MGA: variants seen among roughly 807,000 people sequenced by gnomAD.
MGA encodes the protein MAX dimerization protein MGA, also known as MAX gene-associated protein.
MGA carries 40 observed loss-of-function variants against 261.1 expected under a neutral mutation model. The observed-to-expected ratio is 0.15, with a 90% CI of 0.12 to 0.20. The LOEUF (loss-of-function observed/expected upper bound fraction) is 0.20. MGA is among the 10% of genes least tolerant of loss of function. The probability of loss-of-function intolerance (pLI) is 1.00; values close to 1 mark genes in which losing one functional copy is unlikely to be tolerated. For missense variants in MGA, 3,397 were observed against 3,630.5 expected, an observed-to-expected ratio of 0.94 and a Z score of 1.65; for synonymous variants, 1,302 against 1,290.6, an observed-to-expected ratio of 1.01 and a Z score of -0.19.
rs79793880 is a variant in MGA at position 41,749,178 on chromosome 15, G to T, written c.5571G>T (p.Ser1857=). Residue 1857 remains serine, a synonymous_variant, in exon 17 of 24, where the codon TCG becomes TCT. Coordinates refer to ENST00000219905, the MANE Select transcript of MGA (RefSeq NM_001164273.2). ...CTGAGACTCCGCCATCTTCCACTTC[G>T]TCCTCTGCTTTCTCTGTCATGAATC... is the stretch of plus-strand genomic sequence containing the variant. The T allele has an allele frequency of 1.8e-4, 283 of 1,613,880 alleles. No individual in the cohort carries two copies. In the East Asian group the frequency reaches 6.2e-3, roughly 35 times the overall value.
At chr15:41,708,789 C>T (rs1274115030) in intron 7 of MGA, among the ~76,000 whole-genome samples, 1 of 152,184 alleles carries the variant, frequency 6.6e-6, no homozygotes, top group African/African-American at 2.4e-5. Flanking sequence ...CATTCTCAAG[C>T]ATTAGTTTAG....
At chr15:41,700,477 CG>C (rs2059791773) in intron 5 of MGA, among the ~76,000 whole-genome samples, 1 of 152,124 alleles carries the variant, frequency 6.6e-6, no homozygotes, top group South Asian at 2.1e-4. Flanking sequence ...CTCCCACTTA[CG>C]AGTGAAAACA....
At chr15:41,652,232 G>A (rs946930625) in intron 1 of MGA, among the ~76,000 whole-genome samples, 3 of 149,670 alleles carry the variant, frequency 2.0e-5, no homozygotes, top group East Asian at 2.0e-4. Flanking sequence ...CTCAGCCTCC[G>A]AAAGTGCTGG....
chr15:41,738,209 A>G (rs1484298280), intron 13 of MGA, among the ~76,000 whole-genome samples: 1 of 150,972 alleles, frequency 6.6e-6, no homozygotes, highest in Non-Finnish European at 1.5e-5. Context: ...GACCAGCCTG[A>G]CCAACATGGT....
At chr15:41,689,219 G>A (rs1001140479) in intron 2 of MGA, among the ~76,000 whole-genome samples, 2 of 151,632 alleles carry the variant, frequency 1.3e-5, no homozygotes, top group African/African-American at 2.4e-5. Context: ...TACTTTATTT[G>A]CTTTAAACAG....
At chr15:41,695,274 C>T (rs141968530) in intron 2 of MGA, among the ~76,000 whole-genome samples, 1,993 of 152,118 alleles carry the variant, frequency 0.013, 51 homozygotes, top group African/African-American at 0.046. Flanking sequence ...CTGCAACCTC[C>T]GCCTCCCGGG....
At chr15:41,682,593 G>A (rs2058739681) in intron 2 of MGA, among the ~76,000 whole-genome samples, 2 of 152,106 alleles carry the variant, frequency 1.3e-5, no homozygotes, top group South Asian at 4.1e-4. Flanking sequence ...GGATTCTCCT[G>A]CCTCAGCCTC....
intron 1 of MGA, among the ~76,000 whole-genome samples, chr15:41,648,915 A>G (rs1275519315): frequency 6.6e-6 from 1 of 152,124 alleles, no homozygotes; most frequent in Non-Finnish European, 1.5e-5. Flanking sequence ...GAGTGCCTGG[A>G]GAGAGAGAAA....
At chr15:41,757,749 A>T in intron 18 of MGA, 39 bp from the exon 19 acceptor site, 1 of 1,540,212 alleles carries the variant, frequency 6.5e-7, no homozygotes. Context: ...TAGATTATTA[A>T]ATTTCAGTAA....
At chr15:41,748,005 C>T (rs1388386604) in intron 15 of MGA, among the ~76,000 whole-genome samples, 1 of 152,028 alleles carries the variant, frequency 6.6e-6, no homozygotes, top group Non-Finnish European at 1.5e-5. Flanking sequence ...GGCTGCAGTC[C>T]CAGCACTTTG....
intron 2 of MGA, among the ~76,000 whole-genome samples, chr15:41,671,656 C>A (rs1052374671): frequency 6.6e-6 from 1 of 152,132 alleles, no homozygotes; most frequent in African/African-American, 2.4e-5. Flanking sequence ...GAGTTTTAAA[C>A]CCAAGTTCAG....
intron 11 of MGA, among the ~76,000 whole-genome samples, chr15:41,732,446 C>T (rs931498456): frequency 6.6e-6 from 1 of 152,210 alleles, no homozygotes; most frequent in Non-Finnish European, 1.5e-5. Flanking sequence ...CCGTGCCCGG[C>T]CTGTTATCCT....
chr15:41,711,416 A>C lies in MGA; in HGVS notation c.3084+67A>C. ...TAGAAAGAGCGAGGTTAGTGAGGGG[A>C]AATGGGAATGGTACTTTTTGGCAGG... On this transcript the variant is annotated intron_variant, in intron 8 of 23. Transcript: ENST00000219905. The C allele has an allele frequency of 2.1e-6, 3 of 1,455,968 alleles. No individual in the cohort carries two copies. In the South Asian group the frequency reaches 4.1e-5, roughly 20 times the overall value. The allele number at this position is 1,455,968 out of a possible 1,614,324, so 90.2% of individuals were successfully genotyped here. A position where few individuals can be genotyped will look rare whatever the true frequency, so the allele number is the denominator to read the frequency against.
intron 2 of MGA, among the ~76,000 whole-genome samples, chr15:41,682,000 C>T (rs1052724240): frequency 1.3e-4 from 20 of 152,036 alleles, no homozygotes; most frequent in Admixed American, 4.6e-4. Context: ...TTACTGCAAC[C>T]GCTGCCTCCC....
rs80238506 is a variant in MGA, at chr15:41,630,836, A to G, written c.-68+9538A>G. Among the ~76,000 whole-genome samples, 624 of 152,326 alleles carry G rather than the reference A, an allele frequency of 4.1e-3. 5 individuals are homozygous for G. The highest frequency in any genetic ancestry group is 0.014 in the African/African-American group (583 of 41,580). ...CTAATGTAATAAATCCAGTAGAATC[A>G]GCAGTACTCACCCCAGGAATGTCCT... is the stretch of plus-strand genomic sequence containing the variant. On this transcript the variant is annotated intron_variant, in intron 1 of 8. Transcript: ENST00000566718.
chr15:41,732,982 G>A (rs796554767), intron 11 of MGA, among the ~76,000 whole-genome samples: 8 of 151,886 alleles, frequency 5.3e-5, no homozygotes, highest in African/African-American at 1.9e-4. Flanking sequence ...TTTTAAAGAC[G>A]GAGTCTCGCT....
At chr15:41,650,852 A>T (rs1238735385) in intron 1 of MGA, among the ~76,000 whole-genome samples, 2 of 152,228 alleles carry the variant, frequency 1.3e-5, no homozygotes, top group Non-Finnish European at 2.9e-5. Context: ...AGATTGGATA[A>T]ATATTTTCCA....
intron 22 of MGA, among the ~76,000 whole-genome samples, chr15:41,763,183 T>A (rs1009443664): frequency 7.4e-6 from 1 of 134,336 alleles, no homozygotes; most frequent in African/African-American, 2.7e-5. Context: ...CACTGCAAGC[T>A]CCACCTCCTG....
chr15:41,742,371 A>G (rs977995856), intron 14 of MGA, among the ~76,000 whole-genome samples, 175 bp from the exon 15 acceptor site: 1 of 152,084 alleles, frequency 6.6e-6, no homozygotes, highest in Non-Finnish European at 1.5e-5. Context: ...CCTGGGCAAC[A>G]AGAAAGAAAC....
Sources: gnomAD v4.1 joint callset for allele counts (sites outside exome capture counted in the v4.1 genomes callset) on GRCh38, gnomAD v4.1.1 for gene constraint, MANE v1.5 for transcripts, NCBI Gene and HGNC (gene_info 2026-07-23, HGNC 2026-07-21) for gene names.